The following LARGE1 variants were observed in gnomAD, a reference collection of about 807,000 sequenced individuals.
The protein encoded by LARGE1 is LARGE xylosyl- and glucuronyltransferase 1, also known as xylosyl- and glucuronyltransferase LARGE1.
A neutral mutation model predicts 87.6 loss-of-function variants in LARGE1; 43 were observed. That is an observed-to-expected ratio of 0.49 (90% CI 0.38 to 0.63). The LOEUF (loss-of-function observed/expected upper bound fraction) is 0.63. LARGE1 is among the 30% of genes least tolerant of loss of function. LARGE1 has a pLI of 0.00. For synonymous variants in LARGE1, 434 were observed against 394.6 expected (o/e 1.10, Z -1.18); for missense variants, 802 against 1,000.2 (o/e 0.80, Z 2.67).
chr22:33,609,135 G>C (rs1207845666), intron 4 of LARGE1, among the ~76,000 whole-genome samples: 1 of 152,182 alleles, frequency 6.6e-6, no homozygotes, highest in East Asian at 1.9e-4. Flanking sequence ...CTACATATAA[G>C]TTACAACAGG....
At chr22:33,728,532 C>G (rs2083343266) in intron 2 of LARGE1, among the ~76,000 whole-genome samples, 1 of 144,200 alleles carries the variant, frequency 6.9e-6, no homozygotes, top group South Asian at 2.3e-4. Flanking sequence ...AAGCGAGACT[C>G]CGTCTCCACC....
chr22:33,337,925 T>G, intron 9 of LARGE1, 124 bp from the exon 10 acceptor site: 1 of 1,103,698 alleles, frequency 9.1e-7, no homozygotes, highest in Non-Finnish European at 1.3e-6. Flanking sequence ...ATTCGCTCAT[T>G]CAACATTTTG....
intron 9 of LARGE1, among the ~76,000 whole-genome samples, chr22:33,377,679 T>G (rs1420202582): frequency 6.6e-6 from 1 of 152,156 alleles, no homozygotes; most frequent in Non-Finnish European, 1.5e-5. Context: ...TCACTTCCAA[T>G]TTTCTCTATT....
chr22:33,461,583 C>T (rs1601944021), intron 6 of LARGE1, among the ~76,000 whole-genome samples: 1 of 147,710 alleles, frequency 6.8e-6, no homozygotes. Flanking sequence ...AGCACACCAA[C>T]ATGGTACATG....
chr22:33,766,943 T>C lies in LARGE1; in HGVS notation c.-82-5385A>G, dbSNP rs1344021608. On this transcript the variant is annotated intron_variant, in intron 1 of 14. Transcript: ENST00000397394. ...ATATATATATATATATATATATATA[T>C]ATATATATATATATATATATATATA... Among the ~76,000 whole-genome samples the C allele has an allele frequency of 2.9e-4, 11 of 37,920 alleles. No homozygotes were observed. The South Asian group carries it at 3.3e-3, about 12-fold the overall frequency. 24.9% of individuals were successfully genotyped at this position (37,920 alleles called of 152,430 possible).
chr22:33,267,356 G>A (rs998111149), intron 11 of LARGE1, among the ~76,000 whole-genome samples: 1 of 151,728 alleles, frequency 6.6e-6, no homozygotes, highest in African/African-American at 2.4e-5. Flanking sequence ...AGCTGCGATT[G>A]CTTAAAGATA....
At chr22:33,825,789 T>C (rs374324468) in intron 1 of LARGE1, among the ~76,000 whole-genome samples, 39 of 152,282 alleles carry the variant, frequency 2.6e-4, no homozygotes, top group African/African-American at 8.9e-4. Context: ...ACTGTGGCTT[T>C]TTCCCACTAC....
intron 7 of LARGE1, among the ~76,000 whole-genome samples, chr22:33,387,397 A>G (rs2065362625): frequency 7.1e-6 from 1 of 141,772 alleles, no homozygotes; most frequent in South Asian, 2.3e-4. Context: ...ACTGTCCTCC[A>G]GTGGGGGTAA....
chr22:33,753,046 C>T (rs1351356364), intron 2 of LARGE1, among the ~76,000 whole-genome samples: 4 of 152,106 alleles, frequency 2.6e-5, no homozygotes, highest in African/African-American at 9.7e-5. Flanking sequence ...ATGATGAAAA[C>T]CTGTCTTTAC....
intron 9 of LARGE1, among the ~76,000 whole-genome samples, chr22:33,339,147 C>CAAAAAAA (rs1329158055): frequency 1.1e-5 from 1 of 92,596 alleles, no homozygotes; most frequent in African/African-American, 4.7e-5. Flanking sequence ...GACTCCGTCT[C>CAAAAAAA]AAAAAATAAA....
intron 9 of LARGE1, among the ~76,000 whole-genome samples, chr22:33,369,241 A>G (rs755328502): frequency 6.6e-6 from 1 of 152,256 alleles, no homozygotes; most frequent in Non-Finnish European, 1.5e-5. Flanking sequence ...AGGAAGAGAC[A>G]CAAGTCCAAA....
rs2085141892 is a variant in LARGE1 at position 33,773,686 on chromosome 22, G to C, written c.-82-12128C>G. Among the ~76,000 whole-genome samples the C allele has an allele frequency of 2.6e-5, 4 of 152,210 alleles. No homozygotes were observed. The South Asian group carries it at 8.3e-4, about 32-fold the overall frequency. ...TCAGGAAACCTGGCCTCAAGCATCA[G>C]CTCTGCAGATACAAGCTGCAGGAGC... On this transcript the variant is annotated intron_variant, in intron 1 of 14. Coordinates refer to ENST00000397394, the MANE Select transcript of LARGE1 (RefSeq NM_133642.5).
intron 1 of LARGE1, among the ~76,000 whole-genome samples, chr22:33,783,641 G>A (rs1376882224): frequency 1.3e-5 from 2 of 152,210 alleles, no homozygotes; most frequent in Non-Finnish European, 2.9e-5. Flanking sequence ...CCAGACAGAA[G>A]AGCAGTGTTT....
At chr22:33,910,911 G>A (rs1049439050) in intron 1 of LARGE1, among the ~76,000 whole-genome samples, 1 of 152,172 alleles carries the variant, frequency 6.6e-6, no homozygotes, top group Non-Finnish European at 1.5e-5. Flanking sequence ...GGAAGCCAGG[G>A]GCAAGGTCGG....
rs117931364 is a variant in LARGE1 at position 33,839,830 on chromosome 22, T to C, written c.-82-78272A>G. On this transcript the variant is annotated intron_variant, in intron 1 of 14. Coordinates refer to ENST00000397394, the MANE Select transcript of LARGE1 (RefSeq NM_133642.5). ...AGGCACTTTGACTTGCGTCACCTCA[T>C]CTAACTTTCATGCATGCCTACTACA... Among the ~76,000 whole-genome samples the C allele has an allele frequency of 6.4e-3, 977 of 152,364 alleles. 8 individuals carry two copies. Among genetic ancestry groups the C allele is most frequent in the Non-Finnish European group, 7.3e-3 (500 of 68,038 alleles).
intron 7 of LARGE1, among the ~76,000 whole-genome samples, chr22:33,384,931 T>C (rs1569115309): frequency 6.7e-6 from 1 of 148,784 alleles, no homozygotes; most frequent in Non-Finnish European, 1.5e-5. Flanking sequence ...CATTTATCCG[T>C]ACACACAAAA....
chr22:33,917,183 A>G (rs981166298), intron 1 of LARGE1, among the ~76,000 whole-genome samples: 1 of 152,162 alleles, frequency 6.6e-6, no homozygotes, highest in African/African-American at 2.4e-5. Context: ...CATCTTGGTG[A>G]TATCTGCCTG....
intron 1 of LARGE1, among the ~76,000 whole-genome samples, chr22:33,782,291 CA>C (rs2085448025): frequency 6.6e-6 from 1 of 152,082 alleles, no homozygotes; most frequent in Non-Finnish European, 1.5e-5. Context: ...TCTCCCAGTC[CA>C]AATCCACAGA....
At chr22:33,415,475 G>A (rs542368592) in intron 7 of LARGE1, among the ~76,000 whole-genome samples, 2 of 152,286 alleles carry the variant, frequency 1.3e-5, no homozygotes, top group East Asian at 3.9e-4. Flanking sequence ...CTCCAGGAAG[G>A]GAGGAAGCAA....
Sources: allele counts gnomAD v4.1 joint callset (sites outside exome capture counted in the v4.1 genomes callset), GRCh38; gene constraint gnomAD v4.1.1; transcripts MANE v1.5; gene names NCBI Gene and HGNC (gene_info 2026-07-23, HGNC 2026-07-21).